The following STK32B variants were observed in gnomAD, a reference collection of about 807,000 sequenced individuals.
STK32B encodes serine/threonine kinase 32B.
Under a neutral mutation model 52.6 loss-of-function variants are expected in STK32B, and 43 were observed. That is an observed-to-expected ratio of 0.82 (90% CI 0.64 to 1.05). The LOEUF is 1.05. Ranked by LOEUF, STK32B falls within the 50% of genes least tolerant of loss-of-function variation. The probability of loss-of-function intolerance (pLI) is 0.00; values close to 1 mark genes in which losing one functional copy is unlikely to be tolerated. For synonymous variants in STK32B, 238 were observed against 204.3 expected (o/e 1.17, Z -1.41); for missense variants, 621 against 534.6 (o/e 1.16, Z -1.59).
In STK32B at chr4:5,446,606, C is replaced by T. The variant is rs953679535; in HGVS notation, c.563-67C>T. 77 of 1,399,966 alleles carry T rather than the reference C, an allele frequency of 5.5e-5. No individual in the cohort carries two copies. In the South Asian group the frequency reaches 9.0e-4, roughly 16 times the overall value. 86.7% of individuals were successfully genotyped at this position (1,399,966 alleles called of 1,614,324 possible). On this transcript the variant is annotated intron_variant, in intron 6 of 11. Transcript: ENST00000282908. ...CAAGCTCAATTTCTCTCCTTGTCCC[C>T]TCTCTAAGGGGTGGTGGCCATAAAC...
chr4:5,163,378 T>C lies in STK32B; in HGVS notation c.109-4921T>C, dbSNP rs143835906. Among the ~76,000 whole-genome samples, 404 of 152,074 alleles carry C rather than the reference T, an allele frequency of 2.7e-3. 3 individuals carry two copies. The highest frequency in any genetic ancestry group is 9.4e-3 in the African/African-American group (388 of 41,454). On this transcript the variant is annotated intron_variant, in intron 2 of 11. Coordinates refer to ENST00000282908, the MANE Select transcript of STK32B (RefSeq NM_018401.3). ...AGAAACAGGATTTATGGCAGCTTAG[T>C]GGGAAGGGCACCGCATACAGCTTCA...
chr4:5,028,305 C>A, the STK32B span, among the ~76,000 whole-genome samples: 1 of 152,138 alleles, frequency 6.6e-6, no homozygotes, highest in Non-Finnish European at 1.5e-5. Flanking sequence ...ACCACCACAC[C>A]CAGCTAACTT....
At chr4:5,332,797 T>G (rs1205087690) in intron 4 of STK32B, among the ~76,000 whole-genome samples, 2 of 152,202 alleles carry the variant, frequency 1.3e-5, no homozygotes, top group Non-Finnish European at 2.9e-5. Flanking sequence ...ATTTCCAATT[T>G]CATCCGTGTC....
At chr4:5,264,790 CAAAA>C (rs199565113) in intron 3 of STK32B, among the ~76,000 whole-genome samples, 3 of 146,062 alleles carry the variant, frequency 2.1e-5, no homozygotes, top group African/African-American at 7.4e-5. Flanking sequence ...CCATCTCAAA[CAAAA>C]AAAAAAATTG....
At chr4:5,483,901 A>T (rs1038608295) in intron 11 of STK32B, among the ~76,000 whole-genome samples, 5 of 152,034 alleles carry the variant, frequency 3.3e-5, no homozygotes, top group Non-Finnish European at 7.4e-5. Context: ...AGCGGTTTTG[A>T]GTGAGTTTCT....
intron 3 of STK32B, among the ~76,000 whole-genome samples, chr4:5,309,454 G>A (rs1171126248): frequency 6.6e-6 from 1 of 152,112 alleles, no homozygotes; most frequent in East Asian, 1.9e-4. Context: ...AAAGAACAAG[G>A]TTGGAGGTAT....
chr4:5,482,216 AAT>A (rs1224573901), intron 11 of STK32B, among the ~76,000 whole-genome samples: 1 of 152,230 alleles, frequency 6.6e-6, no homozygotes. Flanking sequence ...CCTACCCATG[AAT>A]ATGGAATGTT....
intron 1 of STK32B, among the ~76,000 whole-genome samples, chr4:5,064,071 A>G (rs1238049714): frequency 2.0e-5 from 3 of 151,752 alleles, no homozygotes; most frequent in African/African-American, 2.4e-5. Flanking sequence ...ATGTGCTGCA[A>G]ATATTTTATT....
intron 1 of STK32B, among the ~76,000 whole-genome samples, chr4:5,136,891 A>G (rs993170303): frequency 6.6e-6 from 1 of 152,180 alleles, no homozygotes; most frequent in African/African-American, 2.4e-5. Flanking sequence ...AGTCATCTAC[A>G]TCCAATCTAG....
intron 3 of STK32B, among the ~76,000 whole-genome samples, chr4:5,268,498 T>C (rs1040353288): frequency 1.3e-5 from 2 of 151,996 alleles, no homozygotes; most frequent in Admixed American, 6.6e-5. Context: ...TCACTATCAT[T>C]ACCCTGATTT....
chr4:5,196,854 C>T (rs1445456528), intron 3 of STK32B, among the ~76,000 whole-genome samples: 1 of 152,122 alleles, frequency 6.6e-6, no homozygotes, highest in African/African-American at 2.4e-5. Context: ...TCTAGGTGAG[C>T]ACAGCACTCC....
chr4:5,269,193 G>A (rs1411638621), intron 3 of STK32B, among the ~76,000 whole-genome samples: 4 of 152,164 alleles, frequency 2.6e-5, no homozygotes, highest in Non-Finnish European at 4.4e-5. Context: ...CAGTGGATGT[G>A]TGCGAGGACC....
At chr4:5,050,815 C>G (rs903066386), upstream of STK32B, among the ~76,000 whole-genome samples, 1 of 152,154 alleles carries the variant, frequency 6.6e-6, no homozygotes, top group African/African-American at 2.4e-5. Flanking sequence ...AGGCTCCCGC[C>G]GCAGGAGCCC....
chr4:5,490,232 G>C (rs1221424516), intron 11 of STK32B, among the ~76,000 whole-genome samples: 1 of 151,614 alleles, frequency 6.6e-6, no homozygotes, highest in African/African-American at 2.4e-5. Context: ...TCAGCCTCCC[G>C]AGTAGCTGGG....
At chr4:5,247,587 C>T (rs1725552795) in intron 3 of STK32B, among the ~76,000 whole-genome samples, 1 of 152,204 alleles carries the variant, frequency 6.6e-6, no homozygotes, top group Non-Finnish European at 1.5e-5. Context: ...GTCCTGCACC[C>T]ACTGTCCGGC....
chr4:5,066,989 A>G (rs1448774436), intron 1 of STK32B, among the ~76,000 whole-genome samples: 2 of 152,200 alleles, frequency 1.3e-5, no homozygotes, highest in East Asian at 1.9e-4. Context: ...TCATTAAGTC[A>G]GTATATTAGT....
chr4:5,242,026 A>G (rs944547325), intron 3 of STK32B, among the ~76,000 whole-genome samples: 3 of 152,186 alleles, frequency 2.0e-5, no homozygotes, highest in African/African-American at 4.8e-5. Context: ...GAACAGTGCC[A>G]CAATAAACAT....
At chr4:5,446,585 C>T (rs1003936050) in intron 6 of STK32B, 88 bp from the exon 7 acceptor site, 6 of 1,067,658 alleles carry the variant, frequency 5.6e-6, no homozygotes, top group Non-Finnish European at 8.2e-6. Flanking sequence ...AAAAAACAAG[C>T]TCAATTTCTC....
intron 3 of STK32B, among the ~76,000 whole-genome samples, chr4:5,276,315 C>T (rs953218305): frequency 1.3e-5 from 2 of 151,996 alleles, no homozygotes; most frequent in African/African-American, 4.8e-5. Context: ...ATTCATTTAA[C>T]CAGGTTTATC....
Sources: gnomAD v4.1 joint callset for allele counts (sites outside exome capture counted in the v4.1 genomes callset) on GRCh38, gnomAD v4.1.1 for gene constraint, MANE v1.5 for transcripts, NCBI Gene and HGNC (gene_info 2026-07-23, HGNC 2026-07-21) for gene names.